Variants in STX12 observed in about 807,000 individuals in gnomAD.
STX12 encodes the protein syntaxin 12.
Under a neutral mutation model 42.2 loss-of-function variants are expected in STX12, and 17 were observed. The ratio of observed to expected loss-of-function variants is 0.40; its 90% CI spans 0.28 to 0.60. The LOEUF (loss-of-function observed/expected upper bound fraction) is 0.60, where lower values mean the gene tolerates loss of function less well. STX12 is among the 20% of genes least tolerant of loss of function. The pLI, the probability that STX12 is intolerant of heterozygous loss-of-function variation, is 0.39. For synonymous variants in STX12, 108 were observed against 116.7 expected (o/e 0.93, Z 0.48); for missense variants, 297 against 330.9 (o/e 0.90, Z 0.79).
chr1:27,780,209 G>GTT (rs199499561), intron 1 of STX12, among the ~76,000 whole-genome samples: 2,095 of 125,900 alleles, frequency 0.017, 117 homozygotes, highest in African/African-American at 0.06. Flanking sequence ...TTCTTTGCTT[G>GTT]TTTTTTTTTT....
At chr1:27,812,392 T>C (rs1261398796) in intron 6 of STX12, 124 bp downstream of exon 6, 1 of 747,262 alleles carries the variant, frequency 1.3e-6, no homozygotes, top group Non-Finnish European at 2.2e-6. Context: ...GTGATTTGTA[T>C]TTTTTCTGTC....
chr1:27,805,278 A>T (rs1190902014), intron 4 of STX12, among the ~76,000 whole-genome samples: 1 of 152,186 alleles, frequency 6.6e-6, no homozygotes, highest in African/African-American at 2.4e-5. Flanking sequence ...ATGTTTGTTT[A>T]TTCATTTACA....
chr1:27,798,373 G>A (rs1007007432), intron 3 of STX12, among the ~76,000 whole-genome samples: 2 of 151,612 alleles, frequency 1.3e-5, no homozygotes, highest in East Asian at 1.9e-4. Flanking sequence ...AGCCAGGCAC[G>A]GTGGCTCATG....
chr1:27,788,680 A>G (rs886156514), intron 1 of STX12, among the ~76,000 whole-genome samples: 3 of 152,138 alleles, frequency 2.0e-5, no homozygotes, highest in Non-Finnish European at 2.9e-5. Context: ...AAGATACTTA[A>G]TCTCTCTAAA....
intron 4 of STX12, among the ~76,000 whole-genome samples, chr1:27,804,215 C>A (rs995346655): frequency 6.6e-6 from 1 of 150,892 alleles, no homozygotes; most frequent in Non-Finnish European, 1.5e-5. Context: ...CACCTGAGGT[C>A]AGGAGTTCAA....
At chr1:27,780,969 AG>A (rs1460712262) in intron 1 of STX12, among the ~76,000 whole-genome samples, 2 of 151,598 alleles carry the variant, frequency 1.3e-5, no homozygotes, top group African/African-American at 2.4e-5. Context: ...AAAAAAAAAA[AG>A]GGGGGATGTT....
chr1:27,773,329 A>G lies in STX12; in HGVS notation c.22A>G (p.Met8Val), dbSNP rs1266073741. MSYGPLD[M>V]YRNPGPSGPQ... ...CGTCATGTCATACGGTCCCTTAGACATGTACCGGAACCCGGGGCCCTCGGG... is the reference window on the plus strand; with the variant it reads ...CGTCATGTCATACGGTCCCTTAGACGTGTACCGGAACCCGGGGCCCTCGGG... Residue 8 changes from methionine (M) to valine (V), a missense_variant, in exon 1 of 9, where the codon ATG becomes GTG. Coordinates refer to ENST00000373943, the MANE Select transcript of STX12 (RefSeq NM_177424.3). 3.1e-6 allele frequency: 5 copies of G among 1,611,614 alleles called. No individual in the cohort carries two copies. Among genetic ancestry groups the G allele is most frequent in the Admixed American group, 1.7e-5 (1 of 59,716 alleles).
intron 3 of STX12, among the ~76,000 whole-genome samples, chr1:27,797,950 C>T (rs2088798197): frequency 6.6e-6 from 1 of 151,306 alleles, no homozygotes; most frequent in Non-Finnish European, 1.5e-5. Flanking sequence ...GATTTAAATC[C>T]ATCTTTGTCA....
chr1:27,811,642 A>G (rs2088904309), intron 5 of STX12, among the ~76,000 whole-genome samples: 1 of 151,688 alleles, frequency 6.6e-6, no homozygotes, highest in South Asian at 2.1e-4. Context: ...TGGCCTGTTA[A>G]GAGGTATTTA....
chr1:27,787,404 A>G (rs1033439627), intron 1 of STX12, among the ~76,000 whole-genome samples: 1 of 152,170 alleles, frequency 6.6e-6, no homozygotes, highest in African/African-American at 2.4e-5. Context: ...CAACCCTGCA[A>G]TCCCAGCACT....
intron 4 of STX12, among the ~76,000 whole-genome samples, chr1:27,805,949 G>C (rs1402009810): frequency 6.6e-6 from 1 of 152,138 alleles, no homozygotes; most frequent in Non-Finnish European, 1.5e-5. Context: ...ATTAACATCT[G>C]TTGGTCTATA....
At chr1:27,808,574 CA>C (rs2088880897) in intron 4 of STX12, among the ~76,000 whole-genome samples, 1 of 152,068 alleles carries the variant, frequency 6.6e-6, no homozygotes, top group African/African-American at 2.4e-5. Flanking sequence ...CTCCTGACCT[CA>C]AAGTGATCTG....
intron 4 of STX12, among the ~76,000 whole-genome samples, chr1:27,807,876 C>T (rs1320879325): frequency 6.6e-6 from 1 of 152,044 alleles, no homozygotes. Context: ...CAGTTACATT[C>T]AGTATCAGAG....
At chr1:27,778,040 C>A (rs2088638783) in intron 1 of STX12, among the ~76,000 whole-genome samples, 1 of 152,176 alleles carries the variant, frequency 6.6e-6, no homozygotes, top group Non-Finnish European at 1.5e-5. Context: ...CCCAAATATA[C>A]CCTTAGAATA....
rs1288695508 is a variant in STX12, at chr1:27,812,348, A to C, written c.576+80A>C. The C allele has an allele frequency of 3.8e-6, 4 of 1,055,194 alleles. No homozygotes were observed. In the Admixed American group the frequency reaches 9.1e-5, roughly 24 times the overall value. The allele number at this position is 1,055,194 out of a possible 1,614,324, so 65.4% of individuals were successfully genotyped here. On this transcript the variant is annotated intron_variant, in intron 6 of 8. Coordinates refer to ENST00000373943, the MANE Select transcript of STX12 (RefSeq NM_177424.3). The stretch of plus-strand genomic sequence containing the variant: ...CTCCTTAGTTCACTTTAATTCTCTT[A>C]GTGATTATGAAAAGGCATAAAATGT...
chr1:27,784,320 G>C (rs1271061397), intron 1 of STX12, among the ~76,000 whole-genome samples: 2 of 152,094 alleles, frequency 1.3e-5, no homozygotes, highest in African/African-American at 2.4e-5. Flanking sequence ...TTCTGGGCTT[G>C]AGCGATCCTC....
rs1004248180 is a variant in STX12, at chr1:27,822,945, G to C, written c.*616G>C. The C allele has an allele frequency of 6.6e-6, 1 of 152,226 alleles. No individual in the cohort carries two copies. The highest frequency in any genetic ancestry group is 1.5e-5 in the Non-Finnish European group (1 of 68,060). 9.4% of individuals were successfully genotyped at this position (152,226 alleles called of 1,614,324 possible). On this transcript the variant is annotated 3_prime_UTR_variant, in exon 9 of 9. Coordinates refer to ENST00000373943, the MANE Select transcript of STX12 (RefSeq NM_177424.3). ...ACTGGAGTACATGTTACTAATCTGG[G>C]TTTAAAGTTTACTTCATTATCTGCT...
chr1:27,793,727 T>C (rs992753052), intron 3 of STX12, 95 bp downstream of exon 3: 1 of 949,264 alleles, frequency 1.1e-6, no homozygotes, highest in South Asian at 1.5e-5. Context: ...TGGCCTTTGG[T>C]GCTAGATAGA....
At position 27,800,488 on chromosome 1, in the gene STX12, G is replaced by GGTGT. The variant is rs57488710; in HGVS notation, c.289-1149_289-1146dup. On this transcript the variant is annotated intron_variant, in intron 3 of 8. Coordinates refer to ENST00000373943, the MANE Select transcript of STX12 (RefSeq NM_177424.3). ...GAACAGGACAATGCTGTCAGTATGT[G>GGTGT]GTGTGTGTGTGTGTGTGTGTGTGTG... Among the ~76,000 whole-genome samples, 1,313 of 140,962 alleles carry GGTGT rather than the reference G, an allele frequency of 9.3e-3. 7 individuals carry two copies. The highest frequency in any genetic ancestry group is 0.015 in the Non-Finnish European group (980 of 64,822). The allele number at this position is 140,962 out of a possible 152,430, so 92.5% of individuals were successfully genotyped here. A position where few individuals can be genotyped will look rare whatever the true frequency, so the allele number is the denominator to read the frequency against.
Sources: allele counts gnomAD v4.1 joint callset (sites outside exome capture counted in the v4.1 genomes callset), GRCh38; gene constraint gnomAD v4.1.1; transcripts MANE v1.5; gene names NCBI Gene and HGNC (gene_info 2026-07-23, HGNC 2026-07-21).